The following ADAMTS16 variants were observed in gnomAD, a reference collection of about 807,000 sequenced individuals.
The protein encoded by ADAMTS16 is ADAM metallopeptidase with thrombospondin type 1 motif 16.
Under a neutral mutation model 145.8 loss-of-function variants are expected in ADAMTS16, and 94 were observed. That is an observed-to-expected ratio of 0.64 (90% CI 0.55 to 0.77). The LOEUF (loss-of-function observed/expected upper bound fraction) is 0.77, where lower values mean the gene tolerates loss of function less well. Ranked by LOEUF, ADAMTS16 falls within the 30% of genes least tolerant of loss-of-function variation. The probability of loss-of-function intolerance (pLI) is 0.00; values close to 1 mark genes in which losing one functional copy is unlikely to be tolerated. For synonymous variants in ADAMTS16, 659 were observed against 604.3 expected, an observed-to-expected ratio of 1.09 and a Z score of -1.33; for missense variants, 1,585 against 1,591.5, an observed-to-expected ratio of 1.00 and a Z score of 0.07.
chr5:5,274,721 C>T lies in ADAMTS16; in HGVS notation c.2789+11938C>T, dbSNP rs1218684311. On this transcript the variant is annotated intron_variant, in intron 18 of 22. Transcript: ENST00000274181. Reference sequence around the variant, plus strand: ...ATATATACACATATATATGCATACACACACATGCACACACAGATATATATA... The same window carrying T: ...ATATATACACATATATATGCATACATACACATGCACACACAGATATATATA... Among the ~76,000 whole-genome samples the T allele has an allele frequency of 4.0e-5, 5 of 123,926 alleles. No individual in the cohort carries two copies. In the Admixed American group the frequency reaches 4.9e-4, roughly 12 times the overall value. The allele number at this position is 123,926 out of a possible 152,430, so 81.3% of individuals were successfully genotyped here.
At chr5:5,206,166 G>T (rs56407319) in intron 9 of ADAMTS16, among the ~76,000 whole-genome samples, 1 of 151,156 alleles carries the variant, frequency 6.6e-6, no homozygotes, top group African/African-American at 2.4e-5. Flanking sequence ...GTGGCTCACG[G>T]CTGTAATCCC....
intron 11 of ADAMTS16, among the ~76,000 whole-genome samples, chr5:5,229,260 T>G (rs1736856241): frequency 7.5e-6 from 1 of 133,502 alleles, no homozygotes; most frequent in African/African-American, 3.0e-5. Context: ...ATTGCGCCAC[T>G]GCAGTCCGCA....
chr5:5,148,249 C>G (rs547870195), intron 3 of ADAMTS16, among the ~76,000 whole-genome samples: 1 of 152,158 alleles, frequency 6.6e-6, no homozygotes, highest in Non-Finnish European at 1.5e-5. Flanking sequence ...AGACCTCAAC[C>G]AGACTTAAGA....
chr5:5,252,856 CCT>C (rs1470527156), intron 17 of ADAMTS16, among the ~76,000 whole-genome samples: 1 of 152,150 alleles, frequency 6.6e-6, no homozygotes, highest in Non-Finnish European at 1.5e-5. Context: ...TCAAGGGTCC[CCT>C]GTTACTCATC....
intron 3 of ADAMTS16, among the ~76,000 whole-genome samples, chr5:5,146,894 T>TG (rs542580158): frequency 1.4e-3 from 213 of 152,364 alleles, no homozygotes; most frequent in African/African-American, 4.6e-3. Flanking sequence ...CTTTGAATAC[T>TG]GTACATCTTT....
rs1317118909 is a variant in ADAMTS16, at chr5:5,269,751, G to A, written c.2789+6968G>A. Among the ~76,000 whole-genome samples, 1 of 152,132 alleles carries A rather than the reference G, an allele frequency of 6.6e-6. No individual in the cohort carries two copies. Among genetic ancestry groups the A allele is most frequent in the Non-Finnish European group, 1.5e-5 (1 of 68,022 alleles). On this transcript the variant is annotated intron_variant, in intron 18 of 22. Transcript: ENST00000274181. This position sits in a 1 kb window ranked among gnomAD's most constrained non-coding sequence, Gnocchi z 4.3. ...CTCTGCCTCCACCTCTCTACGCTTG[G>A]TCTTTCTGGTATTGAGAGATTTGGA...
At chr5:5,318,082 C>G in intron 21 of ADAMTS16, 52 bp from the exon 22 acceptor site, 1 of 1,310,922 alleles carries the variant, frequency 7.6e-7, no homozygotes, top group East Asian at 2.9e-5. Context: ...TGAGGTTGAC[C>G]AGGTGCCTGA....
chr5:5,200,731 ACTTT>A (rs1164057601), intron 9 of ADAMTS16, among the ~76,000 whole-genome samples: 3 of 135,298 alleles, frequency 2.2e-5, no homozygotes, highest in Non-Finnish European at 3.2e-5. Flanking sequence ...TTTCTCTCTC[ACTTT>A]CTTTCTTTTT....
At chr5:5,313,398 C>T (rs769070245) in intron 21 of ADAMTS16, among the ~76,000 whole-genome samples, 1 of 152,218 alleles carries the variant, frequency 6.6e-6, no homozygotes, top group African/African-American at 2.4e-5. Flanking sequence ...TTTTGCTTAT[C>T]TTCACATTTC....
intron 7 of ADAMTS16, among the ~76,000 whole-genome samples, chr5:5,190,767 C>A (rs1466650236): frequency 6.6e-6 from 1 of 152,130 alleles, no homozygotes; most frequent in Admixed American, 6.5e-5. Flanking sequence ...TCTTATTGTG[C>A]AAAAGCAAGT....
chr5:5,157,183 G>A (rs1261924956), intron 3 of ADAMTS16, among the ~76,000 whole-genome samples: 1 of 150,994 alleles, frequency 6.6e-6, no homozygotes, highest in Non-Finnish European at 1.5e-5. Context: ...CAAAATCAGT[G>A]CTAATTTTGT....
chr5:5,229,214 C>G (rs1049223591), intron 11 of ADAMTS16, among the ~76,000 whole-genome samples: 2 of 145,668 alleles, frequency 1.4e-5, no homozygotes, highest in Admixed American at 7.1e-5. Flanking sequence ...AGGAGAATGG[C>G]ATGAACCCGG....
chr5:5,289,467 C>G (rs1444960085), intron 18 of ADAMTS16, among the ~76,000 whole-genome samples: 2 of 152,154 alleles, frequency 1.3e-5, no homozygotes, highest in Non-Finnish European at 2.9e-5. Flanking sequence ...TTAACATTCC[C>G]AACAATGGGG....
intron 4 of ADAMTS16, among the ~76,000 whole-genome samples, chr5:5,182,675 G>A (rs1175382359): frequency 3.9e-5 from 6 of 152,154 alleles, no homozygotes; most frequent in Non-Finnish European, 5.9e-5. Flanking sequence ...TAGTTTTCCT[G>A]CTGAGGTAAT....
chr5:5,179,937 A>G (rs997078477), intron 3 of ADAMTS16, among the ~76,000 whole-genome samples: 15 of 152,088 alleles, frequency 9.9e-5, no homozygotes, highest in Admixed American at 3.3e-4. Context: ...TCTGTCTTTT[A>G]TGTCTCCCAC....
intron 2 of ADAMTS16, among the ~76,000 whole-genome samples, chr5:5,144,724 C>T (rs1178827286): frequency 6.6e-6 from 1 of 152,054 alleles, no homozygotes; most frequent in African/African-American, 2.4e-5. Flanking sequence ...TTTGTTAATG[C>T]GATTGATTTC....
intron 18 of ADAMTS16, among the ~76,000 whole-genome samples, chr5:5,302,206 G>A (rs1243652511): frequency 2.0e-5 from 3 of 152,180 alleles, no homozygotes; most frequent in Non-Finnish European, 4.4e-5. Context: ...TTGATCAAAG[G>A]TGATGCCACT....
chr5:5,200,088 T>C (rs1478546740), intron 8 of ADAMTS16, 44 bp from the exon 9 acceptor site: 2 of 1,538,796 alleles, frequency 1.3e-6, no homozygotes, highest in South Asian at 2.4e-5. Context: ...ATTTAAACTG[T>C]TTTTGTTCTG....
At chr5:5,281,601 G>A (rs1355966124) in intron 18 of ADAMTS16, among the ~76,000 whole-genome samples, 4 of 152,178 alleles carry the variant, frequency 2.6e-5, no homozygotes, top group African/African-American at 4.8e-5. Flanking sequence ...TACACAGAGC[G>A]TGAAGGTTAT....
Sources: allele counts gnomAD v4.1 joint callset (sites outside exome capture counted in the v4.1 genomes callset), GRCh38; gene constraint gnomAD v4.1.1; non-coding constraint Gnocchi (gnomAD v3.1); transcripts MANE v1.5; gene names NCBI Gene and HGNC (gene_info 2026-07-23, HGNC 2026-07-21).